The following METTL2B variants were observed in gnomAD, a reference collection of about 807,000 sequenced individuals.
The protein encoded by METTL2B is methyltransferase 2B, tRNA N3-cytidine.
In METTL2B, 28 loss-of-function variants were observed where a neutral mutation model predicts 51.0. That is an observed-to-expected ratio of 0.55 (90% CI 0.41 to 0.75). METTL2B has a LOEUF of 0.75. Among genes scored for constraint, METTL2B ranks in the 30% least tolerant of loss-of-function variants. The pLI is 0.00. For synonymous variants in METTL2B, 128 were observed against 166.3 expected (o/e 0.77, Z 1.77); for missense variants, 313 against 460.7 (o/e 0.68, Z 2.93).
At chr7:128,491,888 TCTTTA>T (rs1391437526) in intron 5 of METTL2B, among the ~76,000 whole-genome samples, 3 of 152,168 alleles carry the variant, frequency 2.0e-5, no homozygotes, top group Non-Finnish European at 4.4e-5. Flanking sequence ...TTGAAGCCTA[TCTTTA>T]CTTCAGTTTT....
At chr7:128,491,851 T>C (rs937279066) in intron 5 of METTL2B, among the ~76,000 whole-genome samples, 1 of 152,142 alleles carries the variant, frequency 6.6e-6, no homozygotes, top group Admixed American at 6.6e-5. Flanking sequence ...TTTAGAATTA[T>C]TCATGCAGTT....
At chr7:128,483,473 T>G (rs1799897290) in intron 4 of METTL2B, 1 of 152,514 alleles carries the variant, frequency 6.6e-6, no homozygotes, top group Non-Finnish European at 1.5e-5. Context: ...TACTACTCTA[T>G]TTCCTTCCTT....
Position 128,498,010 on chromosome 7 carries a change from A to G in METTL2B, c.810-26A>G, listed in dbSNP as rs765529441. On this transcript the variant is annotated intron_variant, in intron 6 of 8. Coordinates refer to ENST00000262432, the MANE Select transcript of METTL2B (RefSeq NM_018396.3). ...ACCCTGTCTTTAAGGAGACCTGATT[A>G]ACTATAATTCCCTGTGTCTCCACAG... The G allele has an allele frequency of 1.9e-6, 3 of 1,610,296 alleles. No homozygotes were observed. In the African/African-American group the frequency reaches 4.0e-5, roughly 22 times the overall value.
chr7:128,481,999 GAGA>G (rs1563027123), intron 4 of METTL2B, among the ~76,000 whole-genome samples: 1 of 152,104 alleles, frequency 6.6e-6, no homozygotes, highest in African/African-American at 2.4e-5. Context: ...ATTTTAAAAG[GAGA>G]AGAAGAAAAT....
chr7:128,479,424 G>A lies in METTL2B; in HGVS notation c.469G>A (p.Val157Met). 6.2e-7 allele frequency: 1 copy of A among 1,614,228 alleles called. No homozygotes were observed. Among genetic ancestry groups the A allele is most frequent in the East Asian group, 2.2e-5 (1 of 44,888 alleles). ...TGAACATAAAACACAGACACCTCCT[G>A]TGGAGGAGAATGTAACTCAGAAAAT... The part of the protein sequence containing the change: ...SLEHKTQTPP[V>M]EENVTQKISD... The change falls in exon 3 of 9, where the codon GTG (valine) becomes ATG (methionine). Residue 157 changes from valine (V) to methionine (M), a missense_variant. By Grantham distance (21) the Val-to-Met change is conservative. Transcript: ENST00000262432.
rs542693830 is a variant in METTL2B, at chr7:128,477,129, A to G, written c.158A>G (p.Lys53Arg). ...SEEQAAAAER[K>R]VQENSIQRVC... ...GAGCAAGCCGCGGCGGCGGAGAGAA[A>G]AGTCCAGGAGAACAGTATCCAGCGG... The change falls in exon 2 of 9, where the codon AAA (lysine) becomes AGA (arginine). Residue 53 changes from lysine to arginine, a missense_variant. Physicochemically the swap from Lys to Arg is conservative, Grantham distance 26. Transcript: ENST00000262432. 1 of 1,613,976 alleles carries G rather than the reference A, an allele frequency of 6.2e-7. No individual in the cohort carries two copies. Among genetic ancestry groups the G allele is most frequent in the Non-Finnish European group, 8.5e-7 (1 of 1,179,930 alleles).
intron 3 of METTL2B, 53 bp downstream of exon 3, chr7:128,479,566 A>G: frequency 6.4e-7 from 1 of 1,570,648 alleles, no homozygotes; most frequent in South Asian, 1.2e-5. Flanking sequence ...ATATTTGTGC[A>G]CATGAGGTAG....
At chr7:128,498,284 T>C in intron 7 of METTL2B, 142 bp downstream of exon 7, 1 of 909,026 alleles carries the variant, frequency 1.1e-6, no homozygotes, top group Non-Finnish European at 1.5e-6. Context: ...TAAGTGGGAG[T>C]TGAACAATGA....
intron 5 of METTL2B, among the ~76,000 whole-genome samples, chr7:128,489,189 G>C (rs896076560): frequency 2.6e-5 from 4 of 152,162 alleles, no homozygotes; most frequent in Non-Finnish European, 5.9e-5. Context: ...CCAACACTTT[G>C]GGAGGCTGAG....
chr7:128,484,217 CTTTTTTTTTTTTTT>C (rs574117158), intron 4 of METTL2B: 5 of 42,414 alleles, frequency 1.2e-4, no homozygotes, highest in Non-Finnish European at 1.7e-4. Context: ...TGCCTAGATC[CTTTTTTTTTTTTTT>C]TTTTTTTTTT....
intron 6 of METTL2B, 150 bp downstream of exon 6, chr7:128,494,093 A>T (rs1243613879): frequency 7.4e-6 from 8 of 1,074,108 alleles, no homozygotes; most frequent in Non-Finnish European, 1.1e-5. Flanking sequence ...CTTGAGCTTA[A>T]ATGATCCTCC....
chr7:128,489,839 G>A (rs1489052985), intron 5 of METTL2B, among the ~76,000 whole-genome samples: 3 of 151,356 alleles, frequency 2.0e-5, no homozygotes, highest in Admixed American at 6.6e-5. Context: ...CGTTTTAGCT[G>A]GGATGGTCTC....
At chr7:128,483,547 TC>T (rs1799897993) in intron 4 of METTL2B, among the ~76,000 whole-genome samples, 1 of 152,200 alleles carries the variant, frequency 6.6e-6, no homozygotes, top group Non-Finnish European at 1.5e-5. Context: ...GCTGCCTCAC[TC>T]TGCAGTCTTT....
chr7:128,504,454 G>A lies in METTL2B; in HGVS notation c.*2538G>A, dbSNP rs1170970932. 1 of 147,266 alleles carries A rather than the reference G, an allele frequency of 6.8e-6. No individual in the cohort carries two copies. Among genetic ancestry groups the A allele is most frequent in the East Asian group, 2.1e-4 (1 of 4,858 alleles). 9.1% of individuals were successfully genotyped at this position (147,266 alleles called of 1,614,324 possible). A position where few individuals can be genotyped will look rare whatever the true frequency, so the allele number is the denominator to read the frequency against. On this transcript the variant is annotated 3_prime_UTR_variant, in exon 9 of 9. Coordinates refer to ENST00000262432, the MANE Select transcript of METTL2B (RefSeq NM_018396.3). Reference sequence around the variant, plus strand: ...TGCAATCTCCACCTCCCAAGTTTAAGTGATTCTCCTGCCTCAGCCTCCCAA... The same window carrying A: ...TGCAATCTCCACCTCCCAAGTTTAAATGATTCTCCTGCCTCAGCCTCCCAA...
chr7:128,477,276 T>A, intron 2 of METTL2B, 103 bp downstream of exon 2: 1 of 1,481,024 alleles, frequency 6.8e-7, no homozygotes, highest in African/African-American at 1.4e-5. Context: ...CCTTTATTCC[T>A]GGCCTGATGC....
chr7:128,492,159 A>AT (rs540232615), intron 5 of METTL2B, among the ~76,000 whole-genome samples: 17,780 of 139,444 alleles, frequency 0.13, 1,755 homozygotes, highest in East Asian at 0.47. Flanking sequence ...CACCTGGCTA[A>AT]TTTTTTTTTT....
chr7:128,496,594 T>A (rs563534740), intron 6 of METTL2B, among the ~76,000 whole-genome samples: 213 of 152,284 alleles, frequency 1.4e-3, no homozygotes, highest in Non-Finnish European at 2.2e-3. Context: ...CAAACTTTTT[T>A]AAAATTGACA....
At chr7:128,486,375 A>G (rs1262326869) in intron 4 of METTL2B, among the ~76,000 whole-genome samples, 3 of 152,136 alleles carry the variant, frequency 2.0e-5, no homozygotes, top group Non-Finnish European at 4.4e-5. Flanking sequence ...CAAGGTGGGC[A>G]GATTACTTAA....
chr7:128,479,526 T>C lies in METTL2B; in HGVS notation c.558+13T>C. On this transcript the variant is annotated intron_variant, in intron 3 of 8. Transcript: ENST00000262432. ...CCGAATACTGGAGGTAACCTTTTATTGTCTTGGTAGTGGGATATGTGAAGC... is the reference window on the plus strand; with the variant it reads ...CCGAATACTGGAGGTAACCTTTTATCGTCTTGGTAGTGGGATATGTGAAGC... 1 of 1,610,834 alleles carries C rather than the reference T, an allele frequency of 6.2e-7. No homozygotes were observed. Among genetic ancestry groups the C allele is most frequent in the East Asian group, 2.2e-5 (1 of 44,850 alleles).
Sources: allele counts gnomAD v4.1 joint callset (sites outside exome capture counted in the v4.1 genomes callset), GRCh38; gene constraint gnomAD v4.1.1; transcripts MANE v1.5; gene names NCBI Gene and HGNC (gene_info 2026-07-23, HGNC 2026-07-21).